Variants in SPATA6 observed in about 807,000 individuals in gnomAD.
SPATA6 encodes the protein spermatogenesis associated 6.
In SPATA6, 56 loss-of-function variants were observed where a neutral mutation model predicts 65.3. That is an observed-to-expected ratio of 0.86 (90% CI 0.69 to 1.07). SPATA6 has a LOEUF of 1.07. Ranked by LOEUF, SPATA6 falls within the 50% of genes least tolerant of loss-of-function variation. The probability of loss-of-function intolerance (pLI) is 0.00; values close to 1 mark genes in which losing one functional copy is unlikely to be tolerated. For synonymous variants in SPATA6, 199 were observed against 213.2 expected (o/e 0.93, Z 0.58); for missense variants, 590 against 594.8 (o/e 0.99, Z 0.08).
rs183761170 is a variant in SPATA6, at chr1:48,325,600, C to G, written c.1195-19722G>C. On this transcript the variant is annotated intron_variant, in intron 11 of 12. Transcript: ENST00000371847. ...CCTCAATGGTAAAGGTGGAAATCCA[C>G]TTGTTGTGGGCAGTGTTGAACTATG... 1.1e-5 allele frequency: 9 copies of G among 847,406 alleles called. No homozygotes were observed. In the African/African-American group the frequency reaches 1.5e-4, roughly 14 times the overall value. 52.5% of individuals were successfully genotyped at this position (847,406 alleles called of 1,614,324 possible). A position where few individuals can be genotyped will look rare whatever the true frequency, so the allele number is the denominator to read the frequency against.
intron 9 of SPATA6, among the ~76,000 whole-genome samples, chr1:48,381,660 T>TC (rs1309054614): frequency 1.4e-5 from 2 of 145,534 alleles, no homozygotes; most frequent in Non-Finnish European, 3.0e-5. Context: ...TTTTTTTTTT[T>TC]TTTATATGAA....
intron 11 of SPATA6, among the ~76,000 whole-genome samples, chr1:48,307,185 A>T (rs1280158412): frequency 6.6e-6 from 1 of 151,502 alleles, no homozygotes; most frequent in Non-Finnish European, 1.5e-5. Context: ...AGCTGTCTTA[A>T]AGGGAGTAAA....
chr1:48,365,377 A>C (rs1646967958), intron 9 of SPATA6, among the ~76,000 whole-genome samples: 1 of 152,108 alleles, frequency 6.6e-6, no homozygotes, highest in Non-Finnish European at 1.5e-5. Flanking sequence ...TGAATCTGTA[A>C]ATTACTTTGG....
At chr1:48,368,935 T>C (rs1368477390) in intron 9 of SPATA6, among the ~76,000 whole-genome samples, 2 of 152,188 alleles carry the variant, frequency 1.3e-5, no homozygotes, top group African/African-American at 4.8e-5. Context: ...TTATCTACTT[T>C]TGGTCTTTGA....
chr1:48,432,446 CA>C (rs1039390426), intron 3 of SPATA6, among the ~76,000 whole-genome samples: 1 of 149,538 alleles, frequency 6.7e-6, no homozygotes, highest in Non-Finnish European at 1.5e-5. Flanking sequence ...AAAACGAAAC[CA>C]AAAAAAAATT....
chr1:48,364,764 T>A (rs915656688), intron 9 of SPATA6, among the ~76,000 whole-genome samples: 5 of 152,218 alleles, frequency 3.3e-5, no homozygotes, highest in Non-Finnish European at 7.3e-5. Context: ...TTCACTCTGA[T>A]GGTAGTTTCT....
intron 3 of SPATA6, among the ~76,000 whole-genome samples, chr1:48,445,579 G>A (rs965129224): frequency 2.1e-5 from 3 of 140,118 alleles, no homozygotes; most frequent in African/African-American, 8.1e-5. Flanking sequence ...AGAATGGCGT[G>A]AACCCAGGAG....
intron 12 of SPATA6, among the ~76,000 whole-genome samples, chr1:48,300,263 C>A (rs1644905645): frequency 6.6e-6 from 1 of 152,026 alleles, no homozygotes; most frequent in South Asian, 2.1e-4. Context: ...AAATAATTGA[C>A]CTTCTTCAAG....
At chr1:48,428,809 G>GTGTA (rs144421737) in intron 3 of SPATA6, among the ~76,000 whole-genome samples, 4,443 of 137,492 alleles carry the variant, frequency 0.032, 122 homozygotes, top group African/African-American at 0.062. Flanking sequence ...GTGTGTGTGT[G>GTGTA]TATATGTATA....
chr1:48,314,742 T>G (rs1411147435), intron 11 of SPATA6, among the ~76,000 whole-genome samples: 2 of 152,026 alleles, frequency 1.3e-5, no homozygotes. Flanking sequence ...AAAAAATCAA[T>G]GAATCCAGGA....
chr1:48,262,600 G>A, the SPATA6 span: 1 of 152,080 alleles, frequency 6.6e-6, no homozygotes, highest in Admixed American at 6.6e-5. Context: ...TAGCCGTTAA[G>A]AAATACACTT....
intron 1 of SPATA6, among the ~76,000 whole-genome samples, chr1:48,455,468 C>T (rs911223196): frequency 1.8e-4 from 28 of 151,702 alleles, no homozygotes; most frequent in African/African-American, 6.5e-4. Context: ...CTGCAAGCTC[C>T]GCCTCCCAGG....
At chr1:48,466,183 G>A (rs1262310020) in intron 1 of SPATA6, among the ~76,000 whole-genome samples, 1 of 151,878 alleles carries the variant, frequency 6.6e-6, no homozygotes. Flanking sequence ...ATAATAAAAA[G>A]CATTAACTAC....
chr1:48,348,472 C>A lies in SPATA6; in HGVS notation c.1194+7198G>T, dbSNP rs1261261854. ...GGCTCATTTAGATTGGCTTCTGTAT[C>A]CTGTTGACATGCCCCCTCTCCCTCT... On this transcript the variant is annotated intron_variant, in intron 11 of 12. Coordinates refer to ENST00000371847, the MANE Select transcript of SPATA6 (RefSeq NM_019073.4). Among the ~76,000 whole-genome samples the A allele has an allele frequency of 4.0e-5, 6 of 151,796 alleles. No homozygotes were observed. In the South Asian group the frequency reaches 1.2e-3, roughly 31 times the overall value.
intron 9 of SPATA6, among the ~76,000 whole-genome samples, chr1:48,369,239 AG>A (rs1647147652): frequency 6.6e-6 from 1 of 152,198 alleles, no homozygotes; most frequent in Non-Finnish European, 1.5e-5. Context: ...CTCGGGTGTC[AG>A]GGACCCACTT....
In SPATA6 at chr1:48,399,427, C is replaced by T. The variant is rs144360867; in HGVS notation, c.704G>A (p.Arg235Gln). The change falls in exon 7 of 13, where the codon CGG becomes CAG. Residue 235 changes from arginine to glutamine, a missense_variant. Transcript: ENST00000371847. Reference sequence around the variant, plus strand: ...TCCCAGATTTAAATGGGCCAGCCGCCGCCTGGTGTCTTCAGATAGCTCACA... The same window carrying T: ...TCCCAGATTTAAATGGGCCAGCCGCTGCCTGGTGTCTTCAGATAGCTCACA... Reference protein sequence around the residue: ...RMCELSEDTRRRLAHLNLGPY... With the variant: ...RMCELSEDTRQRLAHLNLGPY... 7.3e-5 allele frequency: 118 copies of T among 1,613,068 alleles called. No individual in the cohort carries two copies. Among genetic ancestry groups the T allele is most frequent in the African/African-American group, 2.3e-4 (17 of 74,834 alleles).
Position 48,298,903 on chromosome 1 carries a change from G to A in SPATA6, c.1287-10C>T. On this transcript the variant is annotated splice_polypyrimidine_tract_variant and intron_variant, in intron 12 of 12. Transcript: ENST00000371847. ...TGGCTGCTGACATGAGCTATAAAAA[G>A]GGATATAAAAGGTTCAAAACAATAA... is the stretch of plus-strand genomic sequence containing the variant. The A allele has an allele frequency of 6.2e-7, 1 of 1,608,298 alleles. No individual in the cohort carries two copies. The highest frequency in any genetic ancestry group is 1.7e-5 in the Admixed American group (1 of 58,500).
intron 5 of SPATA6, among the ~76,000 whole-genome samples, chr1:48,410,220 T>TCTAG (rs1557676878): frequency 6.6e-6 from 1 of 152,206 alleles, no homozygotes; most frequent in Non-Finnish European, 1.5e-5. Flanking sequence ...TCCACAGATC[T>TCTAG]CTAGCACAGG....
At chr1:48,330,046 G>C (rs1295638229) in intron 11 of SPATA6, among the ~76,000 whole-genome samples, 1 of 152,218 alleles carries the variant, frequency 6.6e-6, no homozygotes, top group African/African-American at 2.4e-5. Flanking sequence ...GCTGCAGTCA[G>C]CTACGGTGCC....
Sources: allele counts gnomAD v4.1 joint callset (sites outside exome capture counted in the v4.1 genomes callset), GRCh38; gene constraint gnomAD v4.1.1; transcripts MANE v1.5; gene names NCBI Gene and HGNC (gene_info 2026-07-23, HGNC 2026-07-21).